HECW2: variants seen among roughly 807,000 people sequenced by gnomAD.
HECW2 encodes E3 ubiquitin-protein ligase HECW2.
HECW2 carries 61 observed loss-of-function variants against 175.2 expected under a neutral mutation model. The observed-to-expected ratio is 0.35, with a 90% CI of 0.28 to 0.43. HECW2 has a LOEUF of 0.43. Ranked by LOEUF, HECW2 falls within the 20% of genes least tolerant of loss-of-function variation. The pLI is 1.00. For missense variants in HECW2, 1,524 were observed against 2,000.5 expected (o/e 0.76, Z 4.54); for synonymous variants, 671 against 731.0 (o/e 0.92, Z 1.32).
chr2:196,223,472 A>C (rs73052470), intron 23 of HECW2, among the ~76,000 whole-genome samples: 16,199 of 152,160 alleles, frequency 0.11, 1,256 homozygotes, highest in African/African-American at 0.22. Flanking sequence ...AAGAGAAAGG[A>C]GAAAGAGAGA....
At chr2:196,329,407 T>C (rs954663212) in intron 5 of HECW2, among the ~76,000 whole-genome samples, 168 bp downstream of exon 5, 2 of 152,156 alleles carry the variant, frequency 1.3e-5, no homozygotes, top group African/African-American at 4.8e-5. Context: ...ATATTAATAA[T>C]TAATTTATCA....
chr2:196,578,068 G>A (rs1690625697), intron 1 of HECW2, among the ~76,000 whole-genome samples: 1 of 152,024 alleles, frequency 6.6e-6, no homozygotes, highest in South Asian at 2.1e-4. Context: ...ACTTTACATA[G>A]GCTATGTAAT....
chr2:196,493,930 T>C (rs1687292159), intron 1 of HECW2, among the ~76,000 whole-genome samples: 2 of 152,122 alleles, frequency 1.3e-5, no homozygotes, highest in Non-Finnish European at 2.9e-5. Context: ...ATCTAAGAGA[T>C]AAAACAGTCA....
intron 1 of HECW2, among the ~76,000 whole-genome samples, chr2:196,470,095 G>A (rs1049619768): frequency 2.0e-5 from 3 of 151,872 alleles, no homozygotes; most frequent in Non-Finnish European, 4.4e-5. Flanking sequence ...ATTCGCATAA[G>A]CAAAATAAAA....
In HECW2 at chr2:196,334,613, C is replaced by T. The variant is rs918310067; in HGVS notation, c.401-95G>A. On this transcript the variant is annotated intron_variant, in intron 3 of 28. Coordinates refer to ENST00000644978, the MANE Select transcript of HECW2 (RefSeq NM_001348768.2). ...TCCACCATACCACCTCTCAGGGAAT[C>T]CTACTCATGACTCTGAATGACCTCT... 3.2e-6 allele frequency: 3 copies of T among 946,756 alleles called. No homozygotes were observed. In the African/African-American group the frequency reaches 4.9e-5, roughly 15 times the overall value. 58.6% of individuals were successfully genotyped at this position (946,756 alleles called of 1,614,324 possible). A position where few individuals can be genotyped will look rare whatever the true frequency, so the allele number is the denominator to read the frequency against.
intron 1 of HECW2, among the ~76,000 whole-genome samples, chr2:196,524,732 G>A (rs374920590): frequency 8.2e-6 from 1 of 121,928 alleles, no homozygotes. Context: ...ATTTTGTTAT[G>A]TACCCCGTAG....
chr2:196,568,739 G>GT (rs1332867761), intron 1 of HECW2, among the ~76,000 whole-genome samples: 7 of 152,226 alleles, frequency 4.6e-5, no homozygotes, highest in Admixed American at 3.9e-4. Context: ...AATCGCAAGG[G>GT]TAAAAAACCA....
chr2:196,538,765 A>G (rs368933556), intron 1 of HECW2, among the ~76,000 whole-genome samples: 1 of 152,176 alleles, frequency 6.6e-6, no homozygotes, highest in Non-Finnish European at 1.5e-5. Context: ...CCTTCATTTT[A>G]TATGAAGGAC....
At chr2:196,271,577 T>A (rs751064500) in intron 16 of HECW2, among the ~76,000 whole-genome samples, 1 of 152,114 alleles carries the variant, frequency 6.6e-6, no homozygotes, top group Non-Finnish European at 1.5e-5. Context: ...TGTAAGCCAC[T>A]GTGCCCGGCC....
intron 20 of HECW2, among the ~76,000 whole-genome samples, chr2:196,241,249 T>A (rs1180299946): frequency 1.3e-5 from 2 of 152,220 alleles, no homozygotes; most frequent in African/African-American, 4.8e-5. Flanking sequence ...GACAGCTGGA[T>A]CATCCTAGAC....
intron 2 of HECW2, among the ~76,000 whole-genome samples, chr2:196,411,925 A>G (rs1695123876): frequency 6.6e-6 from 1 of 152,204 alleles, no homozygotes; most frequent in Non-Finnish European, 1.5e-5. Context: ...CAGGAGAATC[A>G]GTTGAGCCCA....
chr2:196,461,902 G>A (rs1449023824), intron 1 of HECW2, among the ~76,000 whole-genome samples: 1 of 152,132 alleles, frequency 6.6e-6, no homozygotes. Flanking sequence ...ATGAGATTTT[G>A]GGTGGGGACA....
At chr2:196,301,010 C>T (rs555854182) in intron 13 of HECW2, among the ~76,000 whole-genome samples, 89 of 152,044 alleles carry the variant, frequency 5.9e-4, no homozygotes, top group Non-Finnish European at 1.0e-3. Flanking sequence ...TAACTATTAT[C>T]CCTGATGCTC....
At chr2:196,340,533 T>C (rs1237883668) in intron 3 of HECW2, among the ~76,000 whole-genome samples, 3 of 135,058 alleles carry the variant, frequency 2.2e-5, no homozygotes, top group African/African-American at 5.6e-5. Context: ...GAGGTGGAGG[T>C]TGCAGTGAGC....
chr2:196,327,880 C>T (rs1020799371), intron 5 of HECW2, among the ~76,000 whole-genome samples: 6 of 152,162 alleles, frequency 3.9e-5, no homozygotes, highest in African/African-American at 1.4e-4. Context: ...GGAAAATGCC[C>T]TAGGATTTTT....
chr2:196,318,758 T>C lies in HECW2; in HGVS notation c.2132A>G (p.Gln711Arg). ...CCCTTCATCCTCCCCACTGGGCACC[T>C]GTACCACAGGTAAAGAACCAGCAGT... is the stretch of plus-strand genomic sequence containing the variant. ...VCTAGSLPVV[Q>R]VPSGEDEGPG... The change falls in exon 9 of 29, where the codon CAG becomes CGG. Residue 711 changes from glutamine to arginine, a missense_variant. Around this residue, in one of 11 missense-constraint regions of HECW2, gnomAD observed 604 missense variants for 588.3 expected, o/e 1.03. Coordinates refer to ENST00000644978, the MANE Select transcript of HECW2 (RefSeq NM_001348768.2). The C allele has an allele frequency of 6.5e-7, 1 of 1,528,698 alleles. No homozygotes were observed. Among genetic ancestry groups the C allele is most frequent in the Non-Finnish European group, 8.8e-7 (1 of 1,137,504 alleles). 94.7% of individuals were successfully genotyped at this position (1,528,698 alleles called of 1,614,324 possible).
intron 21 of HECW2, among the ~76,000 whole-genome samples, chr2:196,234,896 T>C (rs1688186247): frequency 6.6e-6 from 1 of 152,154 alleles, no homozygotes; most frequent in Non-Finnish European, 1.5e-5. Flanking sequence ...CAAAGGCAGA[T>C]AACCAGATTA....
rs1275944862 is a variant in HECW2, at chr2:196,521,478, CATTTT to C, written c.-36+72025_-36+72029del. Reference sequence around the variant, plus strand: ...CATTTTATTTTATTTTATTTTATTTCATTTTATTTTTTTATTATTCTACTTTAAGT... The same window carrying C: ...CATTTTATTTTATTTTATTTTATTTCATTTTTTTATTATTCTACTTTAAGT... On this transcript the variant is annotated intron_variant, in intron 1 of 28. Transcript: ENST00000644978. Among the ~76,000 whole-genome samples the C allele has an allele frequency of 2.6e-5, 4 of 151,196 alleles. No homozygotes were observed. In the East Asian group the frequency reaches 7.7e-4, roughly 29 times the overall value.
chr2:196,505,853 A>G (rs1324291214), intron 1 of HECW2, among the ~76,000 whole-genome samples: 1 of 152,212 alleles, frequency 6.6e-6, no homozygotes, highest in Non-Finnish European at 1.5e-5. Flanking sequence ...GGAGCTATCA[A>G]TGTCAAAACA....
Sources: allele counts gnomAD v4.1 joint callset (sites outside exome capture counted in the v4.1 genomes callset), GRCh38; gene constraint gnomAD v4.1.1; regional missense constraint gnomAD v4.1.1; transcripts MANE v1.5; gene names NCBI Gene and HGNC (gene_info 2026-07-23, HGNC 2026-07-21).